NLRP1: variants seen among roughly 807,000 people sequenced by gnomAD.
NLRP1 encodes the protein NACHT, LRR and PYD domains-containing protein 1.
A neutral mutation model predicts 136.7 loss-of-function variants in NLRP1; 94 were observed. That is an observed-to-expected ratio of 0.69 (90% CI 0.58 to 0.82). NLRP1 has a LOEUF of 0.82. NLRP1 is among the 40% of genes least tolerant of loss of function. The pLI is 0.00. For synonymous variants in NLRP1, 690 were observed against 725.1 expected, an observed-to-expected ratio of 0.95 and a Z score of 0.78; for missense variants, 1,575 against 1,802.7, an observed-to-expected ratio of 0.87 and a Z score of 2.29.
downstream of NLRP1, chr17:5,512,147 T>TGCCCACAGATCGAATTCA (rs1231862148): frequency 1.1e-6 from 1 of 903,290 alleles, no homozygotes; most frequent in Non-Finnish European, 1.9e-6. Flanking sequence ...AGACCAACTG[T>TGCCCACAGATCGAATTCA]GGCCATTCGA....
chr17:5,511,626 T>G (rs1405328189), downstream of NLRP1, among the ~76,000 whole-genome samples: 2 of 152,004 alleles, frequency 1.3e-5, no homozygotes, highest in Non-Finnish European at 2.9e-5. Context: ...ACGTGAGGAC[T>G]TGCTGGGATG....
intron 9 of NLRP1, 44 bp downstream of exon 9, chr17:5,533,853 C>A: frequency 7.4e-7 from 1 of 1,353,312 alleles, no homozygotes; most frequent in Non-Finnish European, 1.0e-6. Context: ...CTGACCTCCC[C>A]CAACCCCTGT....
intron 14 of NLRP1, among the ~76,000 whole-genome samples, chr17:5,519,503 G>T (rs933613437): frequency 5.3e-5 from 8 of 150,974 alleles, no homozygotes; most frequent in African/African-American, 1.9e-4. Flanking sequence ...TGGAGTGCAG[G>T]GGGGGTGATC....
chr17:5,521,103 T>C, intron 13 of NLRP1, 91 bp from the exon 14 acceptor site: 1 of 1,308,302 alleles, frequency 7.6e-7, no homozygotes, highest in Non-Finnish European at 1.0e-6. Flanking sequence ...TGTGTTTGTG[T>C]GGACAGAGTG....
At chr17:5,547,723 T>TC (rs1912855591) in intron 5 of NLRP1, among the ~76,000 whole-genome samples, 1 of 152,116 alleles carries the variant, frequency 6.6e-6, no homozygotes. Flanking sequence ...CTCTGGTGGT[T>TC]CTCCTTGGAT....
rs1383291308 is a variant in NLRP1, at chr17:5,583,176, A to G, written c.272-330T>C. On this transcript the variant is annotated intron_variant, in intron 1 of 16. Coordinates refer to ENST00000572272, the MANE Select transcript of NLRP1 (RefSeq NM_033004.4). The surrounding 1 kb of genome is among the most constrained non-coding windows in gnomAD (Gnocchi z 4.5). ...CAACCCAGGGTGGCTAATAGTAATA[A>G]TAACAGCAGCAGCAGCAGCAGCAAC... Among the ~76,000 whole-genome samples the G allele has an allele frequency of 6.6e-6, 1 of 152,012 alleles. No homozygotes were observed. Among genetic ancestry groups the G allele is most frequent in the Non-Finnish European group, 1.5e-5 (1 of 68,026 alleles).
intron 11 of NLRP1, among the ~76,000 whole-genome samples, chr17:5,531,019 T>G (rs905484698): frequency 1.3e-5 from 2 of 152,206 alleles, no homozygotes; most frequent in Non-Finnish European, 2.9e-5. Flanking sequence ...TGTGAACTGT[T>G]TCTACTATGT....
At chr17:5,550,408 A>T (rs148041751) in intron 5 of NLRP1, among the ~76,000 whole-genome samples, 93 of 152,272 alleles carry the variant, frequency 6.1e-4, no homozygotes, top group African/African-American at 2.1e-3. Context: ...TGTATTTCTT[A>T]TTAAGTCAGT....
At chr17:5,538,674 C>T (rs925073902) in intron 7 of NLRP1, among the ~76,000 whole-genome samples, 1 of 152,130 alleles carries the variant, frequency 6.6e-6, no homozygotes, top group Non-Finnish European at 1.5e-5. Context: ...TCTGTTTGGT[C>T]ACTATTGTAC....
chr17:5,554,518 T>C (rs11654176), intron 4 of NLRP1, among the ~76,000 whole-genome samples: 30,434 of 152,122 alleles, frequency 0.2, 4,178 homozygotes, highest in East Asian at 0.72. Flanking sequence ...TGCAGAGCCA[T>C]GTGGGGGCAA....
chr17:5,556,558 A>T (rs986923484), intron 4 of NLRP1, among the ~76,000 whole-genome samples: 4 of 152,112 alleles, frequency 2.6e-5, no homozygotes, highest in Non-Finnish European at 5.9e-5. Context: ...TAAAATGTAC[A>T]ATATGGTTCG....
chr17:5,567,841 G>A (rs1915496118), intron 3 of NLRP1, among the ~76,000 whole-genome samples: 1 of 151,946 alleles, frequency 6.6e-6, no homozygotes, highest in South Asian at 2.1e-4. Flanking sequence ...TACTATTTAG[G>A]GTAAAAGTTT....
Position 5,559,955 on chromosome 17 carries a change from G to T in NLRP1, c.741C>A (p.Ser247Arg). Residue 247 changes from serine to arginine, a missense_variant, in exon 4 of 17, where the codon AGC becomes AGA. Physicochemically the swap from Ser to Arg is moderately radical, Grantham distance 110 (BLOSUM62 -1). Coordinates refer to ENST00000572272, the MANE Select transcript of NLRP1 (RefSeq NM_033004.4). ...CCCATGGGTGGTGGTGGGGCTGTAG[G>T]CTGGTGTGCGCCTGTGGGGGCGTTC... ...VVGTPPQAHTSLQPHHHPWEP... is the reference protein window; with the variant it reads ...VVGTPPQAHTRLQPHHHPWEP... 1.2e-6 allele frequency: 2 copies of T among 1,614,226 alleles called. No homozygotes were observed. Among genetic ancestry groups the T allele is most frequent in the Non-Finnish European group, 1.7e-6 (2 of 1,180,022 alleles).
chr17:5,510,070 C>CTTTTTTTTTTTT (rs749349135), downstream of NLRP1, among the ~76,000 whole-genome samples: 1 of 148,528 alleles, frequency 6.7e-6, no homozygotes, highest in African/African-American at 2.6e-5. Context: ...TATTCTTCTT[C>CTTTTTTTTTTTT]TTCTTTTTTT....
intron 3 of NLRP1, among the ~76,000 whole-genome samples, chr17:5,561,214 G>A (rs943642163): frequency 2.0e-5 from 3 of 151,862 alleles, no homozygotes; most frequent in African/African-American, 4.8e-5. Flanking sequence ...CCGCCATCAC[G>A]CCAGCTAATT....
intron 3 of NLRP1, among the ~76,000 whole-genome samples, chr17:5,563,717 A>G (rs12939336): frequency 0.066 from 10,024 of 152,300 alleles, 418 homozygotes; most frequent in African/African-American, 0.11. Context: ...ATTGTCCACA[A>G]AAGTTTCCCC....
At chr17:5,515,353 C>T in intron 16 of NLRP1, 120 bp downstream of exon 16, 1 of 906,812 alleles carries the variant, frequency 1.1e-6, no homozygotes, top group Non-Finnish European at 1.8e-6. Flanking sequence ...TCTCCAGGGC[C>T]TGACTCTTTG....
At chr17:5,511,890 C>A, downstream of NLRP1, 1 of 174,136 alleles carries the variant, frequency 5.7e-6, no homozygotes, top group Non-Finnish European at 1.2e-5. Flanking sequence ...TCTTCTTTCT[C>A]TCTGTTGAAA....
Position 5,583,222 on chromosome 17 carries a change from T to C in NLRP1, c.272-376A>G, listed in dbSNP as rs1905901220. Among the ~76,000 whole-genome samples, 1 of 152,178 alleles carries C rather than the reference T, an allele frequency of 6.6e-6. No homozygotes were observed. Among genetic ancestry groups the C allele is most frequent in the South Asian group, 2.1e-4 (1 of 4,834 alleles). On this transcript the variant is annotated intron_variant, in intron 1 of 16. Transcript: ENST00000572272. The surrounding 1 kb of genome is among the most constrained non-coding windows in gnomAD (Gnocchi z 4.5). Reference sequence around the variant, plus strand: ...GCAACAACAGCAATGGGAGATCTTATTTATTGAGCACTTACTGTATATCAG... The same window carrying C: ...GCAACAACAGCAATGGGAGATCTTACTTATTGAGCACTTACTGTATATCAG...
Sources: gnomAD v4.1 joint callset for allele counts (sites outside exome capture counted in the v4.1 genomes callset) on GRCh38, gnomAD v4.1.1 for gene constraint, Gnocchi (gnomAD v3.1) non-coding constraint, MANE v1.5 for transcripts, NCBI Gene and HGNC (gene_info 2026-07-23, HGNC 2026-07-21) for gene names.